FGFR1OP2: variants seen among roughly 807,000 people sequenced by gnomAD.
FGFR1OP2 encodes the protein FGFR1 oncogene partner 2.
In FGFR1OP2, 17 loss-of-function variants were observed where a neutral mutation model predicts 35.2. That is an observed-to-expected ratio of 0.48 (90% CI 0.33 to 0.73). FGFR1OP2 has a LOEUF of 0.73. Ranked by LOEUF, FGFR1OP2 falls within the 30% of genes least tolerant of loss-of-function variation. The pLI is 0.02. For synonymous variants in FGFR1OP2, 105 were observed against 104.6 expected (o/e 1.00, Z -0.03); for missense variants, 251 against 307.3 (o/e 0.82, Z 1.37).
At chr12:26,948,199 A>G (rs1213197533) in intron 1 of FGFR1OP2, among the ~76,000 whole-genome samples, 1 of 152,198 alleles carries the variant, frequency 6.6e-6, no homozygotes, top group East Asian at 1.9e-4. Flanking sequence ...TAAACATTAG[A>G]CATTTAAAAG....
chr12:26,955,104 C>T (rs550124411), intron 2 of FGFR1OP2, among the ~76,000 whole-genome samples: 1 of 152,132 alleles, frequency 6.6e-6, no homozygotes, highest in Non-Finnish European at 1.5e-5. Flanking sequence ...ACCTGCATCC[C>T]TAACCAACTG....
chr12:26,940,720 A>G (rs1938721315), intron 1 of FGFR1OP2, among the ~76,000 whole-genome samples: 1 of 152,230 alleles, frequency 6.6e-6, no homozygotes, highest in Non-Finnish European at 1.5e-5. Context: ...GGATTTGCAG[A>G]TAAGGGAAAC....
In FGFR1OP2 at chr12:26,949,583, GT is replaced by G. The variant is rs373712891; in HGVS notation, c.-14-4554del. ...TTTCATGGAGTAGTATCTGTTTGAG[GT>G]TTTTTTTGTTTGAGACAGAGTTTTG... On this transcript the variant is annotated intron_variant, in intron 1 of 6. Coordinates refer to ENST00000229395, the MANE Select transcript of FGFR1OP2 (RefSeq NM_015633.3). Among the ~76,000 whole-genome samples the G allele has an allele frequency of 3.2e-3, 486 of 151,086 alleles. 2 individuals carry two copies. Among genetic ancestry groups the G allele is most frequent in the African/African-American group, 8.5e-3 (350 of 41,162 alleles).
At chr12:26,963,632 G>A (rs188253488) in intron 6 of FGFR1OP2, among the ~76,000 whole-genome samples, 177 bp downstream of exon 6, 36 of 152,200 alleles carry the variant, frequency 2.4e-4, no homozygotes, top group African/African-American at 7.7e-4. Context: ...AAGAATCTAG[G>A]ATTATTAGTA....
In FGFR1OP2 at chr12:26,963,416, A is replaced by G; in HGVS notation, c.585A>G (p.Gln195=). ...GGAAAGCCATTGAAATTGACGAGCAACAGGGTTGCAAGGAACAAGAACGAA... is the reference window on the plus strand; with the variant it reads ...GGAAAGCCATTGAAATTGACGAGCAGCAGGGTTGCAAGGAACAAGAACGAA... The part of the protein sequence containing the change: ...VMRKAIEIDE[Q]QGCKEQERIF... The change falls in exon 6 of 7, where the codon CAA becomes CAG. Residue 195 remains glutamine (Q), a synonymous_variant. Coordinates refer to ENST00000229395, the MANE Select transcript of FGFR1OP2 (RefSeq NM_015633.3). 1 of 1,608,596 alleles carries G rather than the reference A, an allele frequency of 6.2e-7. No individual in the cohort carries two copies. Among genetic ancestry groups the G allele is most frequent in the Non-Finnish European group, 8.5e-7 (1 of 1,176,676 alleles).
chr12:26,965,303 A>G lies in FGFR1OP2; in HGVS notation c.*570A>G, dbSNP rs1592256128. On this transcript the variant is annotated 3_prime_UTR_variant, in exon 7 of 7. Transcript: ENST00000229395. ...TTAAACAGATAATTTAATTTTAGCAATTTATCATAACTGATACTTAGCTAA... is the reference window on the plus strand; with the variant it reads ...TTAAACAGATAATTTAATTTTAGCAGTTTATCATAACTGATACTTAGCTAA... 1 of 152,578 alleles carries G rather than the reference A, an allele frequency of 6.6e-6. No homozygotes were observed. Among genetic ancestry groups the G allele is most frequent in the Non-Finnish European group, 1.5e-5 (1 of 67,978 alleles). The allele number at this position is 152,578 out of a possible 1,614,324, so 9.5% of individuals were successfully genotyped here.
rs112027037 is a variant in FGFR1OP2, at chr12:26,950,965, A to G, written c.-14-3180A>G. On this transcript the variant is annotated intron_variant, in intron 1 of 6. Transcript: ENST00000229395. ...GAAAAAGAGAGAGTAGCAATATTTC[A>G]TGATTACTCAAATGATAGAAATTTT... 3.9e-3 allele frequency among the ~76,000 whole-genome samples: 598 copies of G among 152,330 alleles called. 5 individuals are homozygous for G. Among genetic ancestry groups the G allele is most frequent in the African/African-American group, 0.014 (564 of 41,574 alleles).
intron 1 of FGFR1OP2, among the ~76,000 whole-genome samples, chr12:26,943,281 T>G (rs1450682384): frequency 6.6e-6 from 1 of 151,676 alleles, no homozygotes; most frequent in Non-Finnish European, 1.5e-5. Context: ...TCTCTAAACC[T>G]TTTCTGTTTC....
Position 26,956,525 on chromosome 12 carries a change from G to A in FGFR1OP2, c.136-18G>A. 7.9e-7 allele frequency: 1 copy of A among 1,260,692 alleles called. No individual in the cohort carries two copies. The highest frequency in any genetic ancestry group is 1.1e-6 in the Non-Finnish European group (1 of 925,430). The allele number at this position is 1,260,692 out of a possible 1,614,324, so 78.1% of individuals were successfully genotyped here. A position where few individuals can be genotyped will look rare whatever the true frequency, so the allele number is the denominator to read the frequency against. Reference sequence around the variant, plus strand: ...ATTTGCAGGTATTTTCATCCCACATGTTTTTCTCCCCCATTAGTATCAGGA... The same window carrying A: ...ATTTGCAGGTATTTTCATCCCACATATTTTTCTCCCCCATTAGTATCAGGA... On this transcript the variant is annotated intron_variant, in intron 2 of 6. Coordinates refer to ENST00000229395, the MANE Select transcript of FGFR1OP2 (RefSeq NM_015633.3).
chr12:26,956,717 T>C, intron 3 of FGFR1OP2, 57 bp downstream of exon 3: 1 of 1,026,896 alleles, frequency 9.7e-7, no homozygotes, highest in South Asian at 1.4e-5. Context: ...TCCTAAATCG[T>C]ATTTATTGCT....
chr12:26,959,943 AGATG>A (rs1168558021), intron 4 of FGFR1OP2, among the ~76,000 whole-genome samples: 1 of 152,104 alleles, frequency 6.6e-6, no homozygotes, highest in Non-Finnish European at 1.5e-5. Context: ...ATCCCAAAGT[AGATG>A]AATTGTTACT....
chr12:26,939,618 T>C (rs1377930140), intron 1 of FGFR1OP2, among the ~76,000 whole-genome samples: 2 of 152,226 alleles, frequency 1.3e-5, no homozygotes, highest in Admixed American at 1.3e-4. Context: ...TAAATCATTG[T>C]CTTCTCAGAC....
chr12:26,954,183 C>T lies in FGFR1OP2; in HGVS notation c.25C>T (p.Leu9Phe), dbSNP rs1938982748. MSCTIEKA[L>F]ADAKALVERL... ...AATGAGTTGCACAATTGAGAAGGCA[C>T]TTGCCGACGCTAAAGCTCTTGTTGA... Residue 9 changes from leucine (L) to phenylalanine (F), a missense_variant, in exon 2 of 7, where the codon CTT (leucine) becomes TTT (phenylalanine). Coordinates refer to ENST00000229395, the MANE Select transcript of FGFR1OP2 (RefSeq NM_015633.3). 6.2e-7 allele frequency: 1 copy of T among 1,605,330 alleles called. No homozygotes were observed. The highest frequency in any genetic ancestry group is 2.2e-5 in the East Asian group (1 of 44,756).
rs768092079 is a variant in FGFR1OP2, at chr12:26,957,585, A to G, written c.254-16A>G. On this transcript the variant is annotated splice_polypyrimidine_tract_variant and intron_variant, in intron 3 of 6. Transcript: ENST00000229395. ...TTAACTCAAGTTGGAATAAAATACA[A>G]TATTATTCTTGATAGAATTACGTAC... is the stretch of plus-strand genomic sequence containing the variant. 3 of 1,604,634 alleles carry G rather than the reference A, an allele frequency of 1.9e-6. No homozygotes were observed. Among genetic ancestry groups the G allele is most frequent in the East Asian group, 2.2e-5 (1 of 44,664 alleles).
At chr12:26,948,053 T>C (rs901011920) in intron 1 of FGFR1OP2, among the ~76,000 whole-genome samples, 2 of 152,208 alleles carry the variant, frequency 1.3e-5, no homozygotes, top group African/African-American at 4.8e-5. Flanking sequence ...AAAATTGATA[T>C]TTTTACAACT....
At chr12:26,953,370 A>C (rs1330218570) in intron 1 of FGFR1OP2, among the ~76,000 whole-genome samples, 1 of 151,948 alleles carries the variant, frequency 6.6e-6, no homozygotes. Flanking sequence ...TAAAATTATT[A>C]AAATTTTGTT....
chr12:26,945,903 C>G (rs1322947369), intron 1 of FGFR1OP2, among the ~76,000 whole-genome samples: 1 of 150,220 alleles, frequency 6.7e-6, no homozygotes, highest in Admixed American at 6.6e-5. Flanking sequence ...GATTACAGTT[C>G]TCTTAAATTT....
At chr12:26,939,806 A>T (rs1191985126) in intron 1 of FGFR1OP2, among the ~76,000 whole-genome samples, 1 of 152,214 alleles carries the variant, frequency 6.6e-6, no homozygotes, top group African/African-American at 2.4e-5. Context: ...CATAGCAAGC[A>T]TTATTTATAT....
chr12:26,962,750 T>A (rs2136361723), intron 5 of FGFR1OP2: 1 of 152,352 alleles, frequency 6.6e-6, no homozygotes, highest in East Asian at 1.9e-4. Context: ...TTTTCAATAG[T>A]TAGCAAAGAA....
Sources: gnomAD v4.1 joint callset for allele counts (sites outside exome capture counted in the v4.1 genomes callset) on GRCh38, gnomAD v4.1.1 for gene constraint, MANE v1.5 for transcripts, NCBI Gene and HGNC (gene_info 2026-07-23, HGNC 2026-07-21) for gene names.